Variants in GRHL2 observed in about 807,000 individuals in gnomAD.
GRHL2 encodes grainyhead like transcription factor 2.
Under a neutral mutation model 83.8 loss-of-function variants are expected in GRHL2, and 21 were observed. That is an observed-to-expected ratio of 0.25 (90% CI 0.18 to 0.36). The LOEUF (loss-of-function observed/expected upper bound fraction) is 0.36. Among genes scored for constraint, GRHL2 ranks in the 10% least tolerant of loss-of-function variants. GRHL2 has a pLI of 1.00. For missense variants in GRHL2, 623 were observed against 781.8 expected (o/e 0.80, Z 2.42); for synonymous variants, 280 against 278.9 (o/e 1.00, Z -0.04).
chr8:101,611,889 G>C (rs10095480), intron 8 of GRHL2, among the ~76,000 whole-genome samples: 75,337 of 150,224 alleles, frequency 0.5, 21,253 homozygotes, highest in African/African-American at 0.72. Context: ...TTTTTCAGAG[G>C]CAGCATGCGC....
chr8:101,557,169 G>A lies in GRHL2; in HGVS notation c.285-1250G>A, dbSNP rs569738311. 7.2e-4 allele frequency among the ~76,000 whole-genome samples: 107 copies of A among 149,530 alleles called. 1 individual carries two copies. The highest frequency in any genetic ancestry group is 2.6e-3 in the African/African-American group (104 of 40,574). ...TTTGTGTGTCTAAAAAATAAAAAAG[G>A]ACATTTTATTACATAAGCTCAAAAT... On this transcript the variant is annotated intron_variant, in intron 3 of 15. Transcript: ENST00000646743.
At chr8:101,510,812 C>T (rs953076274) in intron 1 of GRHL2, among the ~76,000 whole-genome samples, 3 of 152,032 alleles carry the variant, frequency 2.0e-5, no homozygotes, top group African/African-American at 4.8e-5. Context: ...TTTCACTTGT[C>T]GGCCGGGCGT....
chr8:101,677,617 G>A, the GRHL2 span, among the ~76,000 whole-genome samples: 1 of 152,024 alleles, frequency 6.6e-6, no homozygotes, highest in East Asian at 1.9e-4. Context: ...TTTAATAAGA[G>A]TTAGAAGGCC....
At chr8:101,576,449 GA>G (rs1349413628) in intron 6 of GRHL2, among the ~76,000 whole-genome samples, 1 of 152,050 alleles carries the variant, frequency 6.6e-6, no homozygotes, top group African/African-American at 2.4e-5. Context: ...TGAATTCCTG[GA>G]CTCAAGAGAT....
At position 101,543,421 on chromosome 8, in the gene GRHL2, C is replaced by G. The variant is rs1019441261; in HGVS notation, c.201C>G (p.Leu67=). ...ACAGTGCTGCTGCCCTCGGCCTGCT[C>G]TATGACTACTACAAGGTAGGTCCCC... The part of the protein sequence containing the change: ...DEDSAAALGL[L]YDYYKVPRDK... The change falls in exon 2 of 16, where the codon CTC becomes CTG. Residue 67 remains leucine, a synonymous_variant. Coordinates refer to ENST00000646743, the MANE Select transcript of GRHL2 (RefSeq NM_024915.4). 1.7e-5 allele frequency: 27 copies of G among 1,613,924 alleles called. No homozygotes were observed. Among genetic ancestry groups the G allele is most frequent in the Non-Finnish European group, 2.1e-5 (25 of 1,179,930 alleles).
chr8:101,666,742 G>A lies in GRHL2; in HGVS notation c.*39G>A. ...ATCCGCTTTGGCTGGAGCTCTCAGT[G>A]CGTTCCTCCCTGAGAGAGACAGAAG... On this transcript the variant is annotated 3_prime_UTR_variant, in exon 16 of 16. Coordinates refer to ENST00000646743, the MANE Select transcript of GRHL2 (RefSeq NM_024915.4). 1 of 1,249,250 alleles carries A rather than the reference G, an allele frequency of 8.0e-7. No homozygotes were observed. The highest frequency in any genetic ancestry group is 1.2e-6 in the Non-Finnish European group (1 of 847,782). The allele number at this position is 1,249,250 out of a possible 1,614,324, so 77.4% of individuals were successfully genotyped here.
chr8:101,569,866 T>C (rs965034252), intron 4 of GRHL2, among the ~76,000 whole-genome samples: 7 of 152,222 alleles, frequency 4.6e-5, no homozygotes, highest in Non-Finnish European at 7.3e-5. Context: ...TCATTTTATA[T>C]AGGTAACAGG....
At chr8:101,518,908 G>GTGC (rs1810625028) in intron 1 of GRHL2, among the ~76,000 whole-genome samples, 1 of 152,164 alleles carries the variant, frequency 6.6e-6, no homozygotes, top group Non-Finnish European at 1.5e-5. Flanking sequence ...TCTGTCTCCT[G>GTGC]TGCTGCTGTT....
At chr8:101,662,947 T>C (rs150655932) in intron 14 of GRHL2, among the ~76,000 whole-genome samples, 1 of 152,016 alleles carries the variant, frequency 6.6e-6, no homozygotes, top group Non-Finnish European at 1.5e-5. Flanking sequence ...CCTCAATATG[T>C]TAAGAATATT....
At chr8:101,650,033 T>A (rs1813589315) in intron 14 of GRHL2, among the ~76,000 whole-genome samples, 2 of 152,212 alleles carry the variant, frequency 1.3e-5, no homozygotes, top group South Asian at 4.1e-4. Context: ...CACCTGAATA[T>A]AACCTCACTA....
At chr8:101,646,482 ACGGGCACTTTCCT>A (rs1813513548) in intron 13 of GRHL2, among the ~76,000 whole-genome samples, 1 of 152,188 alleles carries the variant, frequency 6.6e-6, no homozygotes, top group African/African-American at 2.4e-5. Context: ...TCCAGCAATA[ACGGGCACTTTCCT>A]CGGGAGTGAT....
chr8:101,558,317 A>G, intron 3 of GRHL2, 102 bp from the exon 4 acceptor site: 1 of 1,379,762 alleles, frequency 7.2e-7, no homozygotes, highest in Non-Finnish European at 1.0e-6. Flanking sequence ...CCTTAATGGC[A>G]TTAACATCCA....
intron 7 of GRHL2, among the ~76,000 whole-genome samples, chr8:101,579,158 A>G (rs1272539861): frequency 6.6e-6 from 1 of 152,234 alleles, no homozygotes; most frequent in Non-Finnish European, 1.5e-5. Flanking sequence ...GTTTAGTTAA[A>G]TCTGCATAGA....
At chr8:101,536,394 T>A (rs906705650) in intron 1 of GRHL2, among the ~76,000 whole-genome samples, 4 of 152,198 alleles carry the variant, frequency 2.6e-5, no homozygotes, top group Non-Finnish European at 4.4e-5. Context: ...TGACTTCATG[T>A]AAGGGATAAA....
rs118176040 is a variant in GRHL2 at position 101,514,331 on chromosome 8, A to G, written c.20+21542A>G. 7.7e-3 allele frequency among the ~76,000 whole-genome samples: 1,172 copies of G among 152,280 alleles called. 6 individuals carry two copies. The highest frequency in any genetic ancestry group is 0.014 in the Non-Finnish European group (921 of 68,022). On this transcript the variant is annotated intron_variant, in intron 1 of 15. Coordinates refer to ENST00000646743, the MANE Select transcript of GRHL2 (RefSeq NM_024915.4). ...TCAGTTTATGTATGTGTTAGTCCAG[A>G]TGCTCCAAGAAGCAGACACCATGAT... is the stretch of plus-strand genomic sequence containing the variant.
chr8:101,677,212 C>CAAT, the GRHL2 span, among the ~76,000 whole-genome samples: 1 of 150,732 alleles, frequency 6.6e-6, no homozygotes, highest in African/African-American at 2.4e-5. Flanking sequence ...TAAATAATAA[C>CAAT]AATAATAATA....
At chr8:101,549,088 G>A (rs942462545) in intron 2 of GRHL2, among the ~76,000 whole-genome samples, 3 of 151,998 alleles carry the variant, frequency 2.0e-5, no homozygotes, top group African/African-American at 7.3e-5. Flanking sequence ...AAAATTAGAT[G>A]GGACTCAAAG....
At chr8:101,624,579 A>G (rs1014287358) in intron 9 of GRHL2, among the ~76,000 whole-genome samples, 1 of 134,522 alleles carries the variant, frequency 7.4e-6, no homozygotes, top group African/African-American at 2.7e-5. Context: ...ACACAGTAGA[A>G]CAGTTCACAG....
chr8:101,541,191 T>TAC (rs1586076336), intron 1 of GRHL2, among the ~76,000 whole-genome samples: 1 of 140,814 alleles, frequency 7.1e-6, no homozygotes, highest in Admixed American at 7.3e-5. Flanking sequence ...TGTGTGTGTG[T>TAC]ACACCATGTT....
Sources: allele counts gnomAD v4.1 joint callset (sites outside exome capture counted in the v4.1 genomes callset), GRCh38; gene constraint gnomAD v4.1.1; transcripts MANE v1.5; gene names NCBI Gene and HGNC (gene_info 2026-07-23, HGNC 2026-07-21).